ATF7IP2: variants seen among roughly 807,000 people sequenced by gnomAD.
ATF7IP2 encodes activating transcription factor 7 interacting protein 2, also known as activating transcription factor 7-interacting protein 2.
A neutral mutation model predicts 64.2 loss-of-function variants in ATF7IP2; 42 were observed. That is an observed-to-expected ratio of 0.65 (90% CI 0.51 to 0.85). The LOEUF (loss-of-function observed/expected upper bound fraction) is 0.85. Among genes scored for constraint, ATF7IP2 ranks in the 40% least tolerant of loss-of-function variants. The pLI is 0.00. For missense variants in ATF7IP2, 933 were observed against 784.2 expected, an observed-to-expected ratio of 1.19 and a Z score of -2.27; for synonymous variants, 308 against 272.8, an observed-to-expected ratio of 1.13 and a Z score of -1.27.
intron 1 of ATF7IP2, among the ~76,000 whole-genome samples, chr16:10,407,407 G>A (rs1314956069): frequency 6.6e-6 from 1 of 152,066 alleles, no homozygotes; most frequent in Non-Finnish European, 1.5e-5. Context: ...GAGAAATAAG[G>A]GGCATGCAAA....
intron 8 of ATF7IP2, among the ~76,000 whole-genome samples, chr16:10,443,011 C>T (rs1027245926): frequency 2.0e-5 from 3 of 152,174 alleles, no homozygotes; most frequent in South Asian, 2.1e-4. Context: ...TCGTGAGGGG[C>T]CTCTCTTGTT....
chr16:10,470,745 T>C (rs951209512), intron 9 of ATF7IP2, among the ~76,000 whole-genome samples: 3 of 151,702 alleles, frequency 2.0e-5, no homozygotes, highest in African/African-American at 7.3e-5. Context: ...TTTGCACCAC[T>C]ACACTCCAGC....
At chr16:10,392,163 C>G (rs1021492345) in intron 1 of ATF7IP2, among the ~76,000 whole-genome samples, 13 of 149,180 alleles carry the variant, frequency 8.7e-5, no homozygotes, top group African/African-American at 3.2e-4. Context: ...AAGTGATTCT[C>G]TTGCCTCAGC....
At chr16:10,480,137 G>A (rs946565916) in intron 12 of ATF7IP2, among the ~76,000 whole-genome samples, 13 of 151,362 alleles carry the variant, frequency 8.6e-5, no homozygotes, top group Non-Finnish European at 1.3e-4. Flanking sequence ...ACAGGCACGC[G>A]CCACCACACC....
intron 6 of ATF7IP2, among the ~76,000 whole-genome samples, chr16:10,435,543 T>A (rs1540524): frequency 6.6e-6 from 1 of 152,060 alleles, no homozygotes; most frequent in East Asian, 1.9e-4. Flanking sequence ...TGTCTTCCTT[T>A]TGTATAAGGA....
chr16:10,440,168 A>C (rs1478325678), intron 7 of ATF7IP2, among the ~76,000 whole-genome samples, 196 bp from the exon 8 acceptor site: 2 of 151,804 alleles, frequency 1.3e-5, no homozygotes, highest in African/African-American at 4.8e-5. Flanking sequence ...CTCAAAAAAA[A>C]ATTTTTTTTA....
intron 8 of ATF7IP2, among the ~76,000 whole-genome samples, chr16:10,450,996 G>T (rs1334483402): frequency 6.6e-6 from 1 of 152,212 alleles, no homozygotes; most frequent in Admixed American, 6.5e-5. Context: ...AGGAGCTCTT[G>T]TAAGGCAGGC....
intron 2 of ATF7IP2, among the ~76,000 whole-genome samples, chr16:10,419,344 C>T (rs768259476): frequency 3.9e-5 from 6 of 152,098 alleles, no homozygotes; most frequent in Admixed American, 1.3e-4. Flanking sequence ...GTGGGTGAGA[C>T]GGGCCTCTAT....
chr16:10,440,504 C>T (rs201209176), intron 8 of ATF7IP2, 42 bp downstream of exon 8: 107 of 1,102,964 alleles, frequency 9.7e-5, no homozygotes, highest in South Asian at 1.5e-4. Context: ...CTATTTGACT[C>T]ATATAAGTGG....
At chr16:10,450,908 G>T (rs1439334148) in intron 8 of ATF7IP2, among the ~76,000 whole-genome samples, 1 of 152,162 alleles carries the variant, frequency 6.6e-6, no homozygotes, top group East Asian at 1.9e-4. Context: ...TCTTCACAGT[G>T]TCAATGGTCT....
chr16:10,479,094 A>G (rs199993643), intron 12 of ATF7IP2, among the ~76,000 whole-genome samples: 60 of 150,780 alleles, frequency 4.0e-4, no homozygotes, highest in Middle Eastern at 3.4e-3. Context: ...TCAGTGTGGC[A>G]ATTCCTCAGG....
rs1567417208 is a variant in ATF7IP2 at position 10,387,241 on chromosome 16, A to G, written c.-242+1119A>G. 5 of 152,374 alleles carry G rather than the reference A, an allele frequency of 3.3e-5. No homozygotes were observed. In the East Asian group the frequency reaches 7.7e-4, roughly 23 times the overall value. The allele number at this position is 152,374 out of a possible 1,614,324, so 9.4% of individuals were successfully genotyped here. A position where few individuals can be genotyped will look rare whatever the true frequency, so the allele number is the denominator to read the frequency against. On this transcript the variant is annotated intron_variant, in intron 1 of 13. Transcript: ENST00000562102. ...CAGGAAAGCAATTGAAAATGCAAAA[A>G]TGAAGCATCTGAATGAAGGACTAAT... is the stretch of plus-strand genomic sequence containing the variant.
intron 13 of ATF7IP2, 27 bp downstream of exon 13, chr16:10,480,991 G>C (rs1015385509): frequency 4.0e-6 from 6 of 1,505,182 alleles, no homozygotes; most frequent in South Asian, 2.3e-5. Context: ...CTCTGTAAGG[G>C]ATATTTATTC....
chr16:10,429,481 C>T (rs575496048), intron 4 of ATF7IP2, among the ~76,000 whole-genome samples: 1 of 152,110 alleles, frequency 6.6e-6, no homozygotes, highest in Admixed American at 6.5e-5. Context: ...CTCCCAGAAG[C>T]TGGGATTACA....
At chr16:10,439,911 C>A (rs1002443646) in intron 7 of ATF7IP2, among the ~76,000 whole-genome samples, 1 of 151,710 alleles carries the variant, frequency 6.6e-6, no homozygotes, top group Non-Finnish European at 1.5e-5. Context: ...CGCCTGTAAT[C>A]CCAGCACTTT....
chr16:10,468,164 G>A (rs1238183101), intron 9 of ATF7IP2, among the ~76,000 whole-genome samples: 3 of 152,142 alleles, frequency 2.0e-5, no homozygotes, highest in Non-Finnish European at 4.4e-5. Context: ...ACAGGCATGA[G>A]CCACCGTGCC....
intron 9 of ATF7IP2, among the ~76,000 whole-genome samples, chr16:10,458,849 A>G (rs1567163931): frequency 1.3e-5 from 2 of 152,224 alleles, no homozygotes; most frequent in East Asian, 1.9e-4. Context: ...ATAGTCTACA[A>G]AAGTTGAGTT....
intron 1 of ATF7IP2, among the ~76,000 whole-genome samples, chr16:10,398,187 C>A (rs2047455516): frequency 6.6e-6 from 1 of 151,790 alleles, no homozygotes; most frequent in African/African-American, 2.4e-5. Flanking sequence ...ACCTGTAATC[C>A]CAGCAACTCG....
chr16:10,465,199 C>G (rs1400950771), intron 9 of ATF7IP2, among the ~76,000 whole-genome samples: 2 of 152,028 alleles, frequency 1.3e-5, no homozygotes, highest in Non-Finnish European at 2.9e-5. Context: ...ATGAGGAAAC[C>G]AAAGCAGAGT....
Sources: allele counts gnomAD v4.1 joint callset (sites outside exome capture counted in the v4.1 genomes callset), GRCh38; gene constraint gnomAD v4.1.1; transcripts MANE v1.5; gene names NCBI Gene and HGNC (gene_info 2026-07-23, HGNC 2026-07-21).